FHIT: variants seen among roughly 807,000 people sequenced by gnomAD.
FHIT encodes the protein fragile histidine triad diadenosine triphosphatase, also known as bis(5'-adenosyl)-triphosphatase.
A neutral mutation model predicts 17.9 loss-of-function variants in FHIT; 19 were observed. That is an observed-to-expected ratio of 1.06 (90% CI 0.74 to 1.56). The LOEUF (loss-of-function observed/expected upper bound fraction) is 1.56. Ranked by LOEUF, FHIT falls within the 40% of genes most tolerant of loss-of-function variation. FHIT has a pLI of 0.00. For missense variants in FHIT, 248 were observed against 189.2 expected, an observed-to-expected ratio of 1.31 and a Z score of -1.82; for synonymous variants, 81 against 69.7, an observed-to-expected ratio of 1.16 and a Z score of -0.81.
chr3:60,431,835 C>T (rs546882410), intron 5 of FHIT, among the ~76,000 whole-genome samples: 1 of 152,186 alleles, frequency 6.6e-6, no homozygotes, highest in African/African-American at 2.4e-5. Flanking sequence ...TATGGCCACC[C>T]TGAGACAAAA....
chr3:60,400,866 G>C (rs1278007541), intron 5 of FHIT, among the ~76,000 whole-genome samples: 1 of 152,040 alleles, frequency 6.6e-6, no homozygotes, highest in African/African-American at 2.4e-5. Context: ...AATTGAATTA[G>C]CTGCCAACAT....
intron 5 of FHIT, among the ~76,000 whole-genome samples, chr3:60,266,529 T>C (rs1268472196): frequency 6.6e-6 from 1 of 152,014 alleles, no homozygotes; most frequent in Non-Finnish European, 1.5e-5. Context: ...AATATACACT[T>C]TAAATGGGTG....
chr3:60,601,036 C>T (rs1217732096), intron 4 of FHIT, among the ~76,000 whole-genome samples: 1 of 152,152 alleles, frequency 6.6e-6, no homozygotes, highest in African/African-American at 2.4e-5. Context: ...AGCAGCCCTG[C>T]CAGCAGAGGC....
At position 59,803,319 on chromosome 3, in the gene FHIT, C is replaced by T. The variant is rs185883470; in HGVS notation, c.349-50998G>A. Among the ~76,000 whole-genome samples, 94 of 152,272 alleles carry T rather than the reference C, an allele frequency of 6.2e-4. 1 individual carries two copies. Among genetic ancestry groups the T allele is most frequent in the African/African-American group, 2.2e-3 (90 of 41,538 alleles). On this transcript the variant is annotated intron_variant, in intron 8 of 9. Transcript: ENST00000492590. ...CAGAAAGAAGACTAAAGAATGAGGA[C>T]CTTACAGGCGAGCACGGGGCCAGCG... is the stretch of plus-strand genomic sequence containing the variant.
chr3:61,048,616 T>C (rs896221934), intron 2 of FHIT, among the ~76,000 whole-genome samples: 12 of 152,194 alleles, frequency 7.9e-5, no homozygotes, highest in African/African-American at 2.9e-4. Flanking sequence ...GACCCAGCCA[T>C]CCTATTACTG....
intron 4 of FHIT, among the ~76,000 whole-genome samples, chr3:60,804,018 G>A (rs1167773397): frequency 6.6e-6 from 1 of 152,136 alleles, no homozygotes; most frequent in Non-Finnish European, 1.5e-5. Context: ...TGCCACCCTC[G>A]GATGACACGC....
intron 8 of FHIT, among the ~76,000 whole-genome samples, chr3:59,910,663 G>T (rs371428583): frequency 1.3e-4 from 20 of 151,970 alleles, no homozygotes; most frequent in East Asian, 7.7e-4. Flanking sequence ...ATAGGGGGAG[G>T]AAGGAAAAAA....
intron 5 of FHIT, among the ~76,000 whole-genome samples, chr3:60,111,316 G>C (rs895343456): frequency 6.6e-6 from 1 of 152,150 alleles, no homozygotes; most frequent in African/African-American, 2.4e-5. Flanking sequence ...TCTGGAATGA[G>C]TAAAAACAAA....
At chr3:59,842,556 T>G (rs1288020524) in intron 8 of FHIT, among the ~76,000 whole-genome samples, 3 of 152,150 alleles carry the variant, frequency 2.0e-5, no homozygotes, top group Non-Finnish European at 4.4e-5. Flanking sequence ...AGTTCCAATT[T>G]CTCCATATCT....
chr3:60,355,226 T>G (rs144238852), intron 5 of FHIT, among the ~76,000 whole-genome samples: 2 of 152,310 alleles, frequency 1.3e-5, no homozygotes, highest in African/African-American at 4.8e-5. Flanking sequence ...TTACCCAAAA[T>G]TAAGTTCCAC....
At chr3:60,095,642 C>T (rs560956911) in intron 5 of FHIT, among the ~76,000 whole-genome samples, 23 of 152,276 alleles carry the variant, frequency 1.5e-4, no homozygotes, top group South Asian at 2.1e-4. Flanking sequence ...GGACTGAATC[C>T]GGTTCTCAGC....
intron 1 of FHIT, among the ~76,000 whole-genome samples, chr3:61,225,756 C>G (rs982744057): frequency 1.1e-4 from 16 of 152,220 alleles, no homozygotes; most frequent in South Asian, 2.1e-4. Flanking sequence ...ATAACGAAGT[C>G]ATGACTTGAA....
intron 5 of FHIT, among the ~76,000 whole-genome samples, chr3:60,204,381 C>G (rs573663883): frequency 6.6e-6 from 1 of 152,080 alleles, no homozygotes; most frequent in Non-Finnish European, 1.5e-5. Flanking sequence ...GCGATCCTCC[C>G]ACCTCAGCCT....
At chr3:60,534,641 G>A (rs2035917412) in intron 5 of FHIT, among the ~76,000 whole-genome samples, 2 of 152,140 alleles carry the variant, frequency 1.3e-5, no homozygotes, top group South Asian at 4.1e-4. Flanking sequence ...AAAAGCTCTG[G>A]TTCTCATTGT....
At chr3:60,060,920 A>C (rs1291337653) in intron 5 of FHIT, among the ~76,000 whole-genome samples, 1 of 152,236 alleles carries the variant, frequency 6.6e-6, no homozygotes, top group Non-Finnish European at 1.5e-5. Flanking sequence ...CTGCAAATGA[A>C]GGTGGGGTAA....
At chr3:60,927,317 C>A (rs1462031196) in intron 3 of FHIT, among the ~76,000 whole-genome samples, 2 of 152,246 alleles carry the variant, frequency 1.3e-5, no homozygotes, top group African/African-American at 2.4e-5. Context: ...GTTGCCCAGG[C>A]TGGAGTGCAG....
At chr3:60,789,222 C>G (rs1293895029) in intron 4 of FHIT, among the ~76,000 whole-genome samples, 1 of 148,174 alleles carries the variant, frequency 6.7e-6, no homozygotes, top group East Asian at 2.0e-4. Context: ...GAGAGCACAA[C>G]AAGAATACGA....
intron 5 of FHIT, among the ~76,000 whole-genome samples, chr3:60,175,016 C>T (rs1019244148): frequency 3.9e-5 from 6 of 152,130 alleles, no homozygotes; most frequent in East Asian, 1.9e-4. Context: ...AATGATTAAA[C>T]CACCATAAAA....
chr3:60,307,283 A>C (rs1478803899), intron 5 of FHIT, among the ~76,000 whole-genome samples: 1 of 152,180 alleles, frequency 6.6e-6, no homozygotes, highest in Non-Finnish European at 1.5e-5. Flanking sequence ...CGCCTGCCAC[A>C]CACCATCTTG....
Sources: allele counts gnomAD v4.1 joint callset (sites outside exome capture counted in the v4.1 genomes callset), GRCh38; gene constraint gnomAD v4.1.1; transcripts MANE v1.5; gene names NCBI Gene and HGNC (gene_info 2026-07-23, HGNC 2026-07-21).